SMPD4: variants seen among roughly 807,000 people sequenced by gnomAD.
SMPD4 encodes the protein sphingomyelin phosphodiesterase 4.
A neutral mutation model predicts 97.8 loss-of-function variants in SMPD4; 58 were observed. The observed-to-expected ratio is 0.59, with a 90% confidence interval of 0.48 to 0.74. SMPD4 has a LOEUF of 0.74. Among genes scored for constraint, SMPD4 ranks in the 30% least tolerant of loss-of-function variants. The probability of loss-of-function intolerance (pLI) is 0.00; values close to 1 mark genes in which losing one functional copy is unlikely to be tolerated. For missense variants in SMPD4, 853 were observed against 1,080.5 expected, an observed-to-expected ratio of 0.79 and a Z score of 2.95; for synonymous variants, 388 against 450.0, an observed-to-expected ratio of 0.86 and a Z score of 1.74.
chr2:130,166,508 G>A (rs1312660583), intron 9 of SMPD4, among the ~76,000 whole-genome samples: 5 of 152,164 alleles, frequency 3.3e-5, no homozygotes, highest in East Asian at 1.9e-4. Context: ...TCCACCCTGC[G>A]AGGATGCTGT....
At chr2:130,163,583 G>A (rs1053005164) in intron 10 of SMPD4, among the ~76,000 whole-genome samples, 1 of 152,264 alleles carries the variant, frequency 6.6e-6, no homozygotes, top group Non-Finnish European at 1.5e-5. Flanking sequence ...GCATACTGAT[G>A]CACAGACGCC....
rs781166037 is a variant in SMPD4 at position 130,153,780 on chromosome 2, G to A, written c.1815C>T (p.Asp605=). Residue 605 remains aspartate, a synonymous_variant, in exon 17 of 20, where the codon GAC becomes GAT. Coordinates refer to ENST00000680298, the MANE Select transcript of SMPD4 (RefSeq NM_017951.5). ...TCCGGACACTGTCTTGCCCCATCTC[G>A]TCCAGGTCGTTGGCTGTGTAGGAGC... is the stretch of plus-strand genomic sequence containing the variant. ...TNGSYTANDL[D]EMGQDSVRKT... The A allele has an allele frequency of 6.2e-6, 10 of 1,613,874 alleles. No individual in the cohort carries two copies. Among genetic ancestry groups the A allele is most frequent in the East Asian group, 2.2e-5 (1 of 44,890 alleles).
At chr2:130,181,735 G>A (rs1689665586), upstream of SMPD4, 1 of 1,548,798 alleles carries the variant, frequency 6.5e-7, no homozygotes, top group Non-Finnish European at 8.7e-7. Context: ...AGGCAGGAGT[G>A]CGGGGGAGGG....
intron 1 of SMPD4, among the ~76,000 whole-genome samples, chr2:130,180,769 G>A (rs1689499191): frequency 1.3e-5 from 2 of 152,210 alleles, no homozygotes; most frequent in Admixed American, 1.3e-4. Flanking sequence ...GGCAGCGACT[G>A]AAAGAATGAG....
At position 130,176,640 on chromosome 2, in the gene SMPD4, G is replaced by A; in HGVS notation, c.-45-3C>T. 6.2e-7 allele frequency: 1 copy of A among 1,609,730 alleles called. No individual in the cohort carries two copies. Among genetic ancestry groups the A allele is most frequent in the South Asian group, 1.1e-5 (1 of 90,306 alleles). ...AAAATGGCCTTCTTAGCAAACCACT[G>A]TGGAAAAACAAAGACAAAATCTCAA... On this transcript the variant is annotated splice_polypyrimidine_tract_variant and splice_region_variant and intron_variant, in intron 1 of 19. Transcript: ENST00000680298.
Position 130,153,033 on chromosome 2 carries a change from G to A in SMPD4, c.2154+10C>T. The A allele has an allele frequency of 6.2e-7, 1 of 1,608,128 alleles. No homozygotes were observed. Among genetic ancestry groups the A allele is most frequent in the Non-Finnish European group, 8.5e-7 (1 of 1,177,972 alleles). On this transcript the variant is annotated intron_variant, in intron 19 of 19. Transcript: ENST00000680298. Reference sequence around the variant, plus strand: ...CTGAAGACGCCAGGCCAGCCCTCCTGCCCACTCACTCTGTGGTTGATGGCA... The same window carrying A: ...CTGAAGACGCCAGGCCAGCCCTCCTACCCACTCACTCTGTGGTTGATGGCA...
chr2:130,164,260 T>G (rs1017379711), intron 10 of SMPD4, 114 bp downstream of exon 10: 61 of 877,230 alleles, frequency 7.0e-5, no homozygotes, highest in Non-Finnish European at 1.1e-4. Flanking sequence ...AGGTGGGTGG[T>G]GGGTTTCTGC....
At chr2:130,175,567 T>C (rs1688911074) in intron 2 of SMPD4, among the ~76,000 whole-genome samples, 2 of 152,160 alleles carry the variant, frequency 1.3e-5, no homozygotes, top group African/African-American at 2.4e-5. Context: ...AAATTATAGA[T>C]GGCTTCAGCC....
chr2:130,171,902 T>G (rs2104895401), intron 8 of SMPD4, among the ~76,000 whole-genome samples: 1 of 152,348 alleles, frequency 6.6e-6, no homozygotes, highest in African/African-American at 2.4e-5. Context: ...TCCCAACCTG[T>G]GCAGGCACGC....
intron 15 of SMPD4, 91 bp downstream of exon 15, chr2:130,155,005 C>T: frequency 2.0e-6 from 3 of 1,506,716 alleles, no homozygotes; most frequent in Non-Finnish European, 1.8e-6. Context: ...GCGTGTGGGT[C>T]CCTCTTAAAG....
intron 12 of SMPD4, 31 bp from the exon 13 acceptor site, chr2:130,156,706 TTGCCCAGTA>T (rs1558743167): frequency 1.2e-6 from 2 of 1,603,334 alleles, no homozygotes; most frequent in Non-Finnish European, 1.7e-6. Context: ...CACCTGCTGC[TTGCCCAGTA>T]AGGAGGCCCT....
chr2:130,168,530 T>C (rs1249676923), intron 8 of SMPD4, among the ~76,000 whole-genome samples: 1 of 151,448 alleles, frequency 6.6e-6, no homozygotes, highest in Non-Finnish European at 1.5e-5. Flanking sequence ...CGTTATCAAT[T>C]TTTTTTTGAG....
In SMPD4 at chr2:130,173,331, T is replaced by G. The variant is rs1373496354; in HGVS notation, c.293A>C (p.Tyr98Ser). ...CTTATAGTCTTCAGCTTGAAGCTTA[T>G]AAACCAACTTCATCATTGGGCCACT... Reference protein sequence around the residue: ...DPGGPMMKLVYKLQAEDYKFD... With the variant: ...DPGGPMMKLVSKLQAEDYKFD... The change falls in exon 5 of 20, where the codon TAT (tyrosine) becomes TCT (serine). Residue 98 changes from tyrosine to serine, a missense_variant. Physicochemically the swap from Tyr to Ser is moderately radical, Grantham distance 144. Around this residue, in one of 3 missense-constraint regions of SMPD4, gnomAD observed 313 missense variants for 402.2 expected, o/e 0.78. Transcript: ENST00000680298. The G allele has an allele frequency of 6.2e-7, 1 of 1,613,132 alleles. No homozygotes were observed. Among genetic ancestry groups the G allele is most frequent in the South Asian group, 1.1e-5 (1 of 90,812 alleles).
chr2:130,167,184 G>A (rs1276014509), intron 9 of SMPD4, among the ~76,000 whole-genome samples: 1 of 151,404 alleles, frequency 6.6e-6, no homozygotes, highest in East Asian at 2.0e-4. Flanking sequence ...GCAATGGCAC[G>A]ATCTCAGCTT....
intron 11 of SMPD4, chr2:130,158,094 C>T (rs1393328591): frequency 1.2e-6 from 1 of 829,956 alleles, no homozygotes; most frequent in South Asian, 1.8e-5. Context: ...GAGCTAGGAT[C>T]GTGCCACTGC....
At chr2:130,153,642 G>A (rs1369771892) in intron 17 of SMPD4, 60 bp downstream of exon 17, 6 of 1,575,688 alleles carry the variant, frequency 3.8e-6, no homozygotes, top group Non-Finnish European at 5.2e-6. Context: ...AGGCTGGGTG[G>A]AGTGGATCCT....
At chr2:130,177,672 A>T (rs1573735745) in intron 1 of SMPD4, among the ~76,000 whole-genome samples, 1 of 151,590 alleles carries the variant, frequency 6.6e-6, no homozygotes, top group African/African-American at 2.4e-5. Flanking sequence ...TCCAGCCTAG[A>T]AGGCTGAGCA....
At chr2:130,181,268 C>G (rs1463224343) in intron 1 of SMPD4, 6 of 1,371,812 alleles carry the variant, frequency 4.4e-6, no homozygotes, top group Non-Finnish European at 5.6e-6. Flanking sequence ...ATTCCTTCAA[C>G]GAAGGTTAAC....
Position 130,158,112 on chromosome 2 carries a change from C to T in SMPD4, c.952-716G>A, listed in dbSNP as rs889870144. ...CTAGGATCGTGCCACTGCACTCCAG[C>T]GTGGGTGAGAGTAAGACCTGGTTCA... On this transcript the variant is annotated intron_variant, in intron 11 of 19. Transcript: ENST00000680298. The T allele has an allele frequency of 6.9e-5, 71 of 1,031,852 alleles. 1 individual carries two copies. Among genetic ancestry groups the T allele is most frequent in the Middle Eastern group, 2.5e-4 (1 of 3,976 alleles). The allele number at this position is 1,031,852 out of a possible 1,614,324, so 63.9% of individuals were successfully genotyped here. A position where few individuals can be genotyped will look rare whatever the true frequency, so the allele number is the denominator to read the frequency against.
Sources: gnomAD v4.1 joint callset for allele counts (sites outside exome capture counted in the v4.1 genomes callset) on GRCh38, gnomAD v4.1.1 for gene constraint, gnomAD v4.1.1 regional missense constraint, MANE v1.5 for transcripts, NCBI Gene and HGNC (gene_info 2026-07-23, HGNC 2026-07-21) for gene names.